FAM174A: variants seen among roughly 807,000 people sequenced by gnomAD.
FAM174A encodes the protein membrane protein FAM174A.
Under a neutral mutation model 14.3 loss-of-function variants are expected in FAM174A, and 14 were observed. The ratio of observed to expected loss-of-function variants is 0.98; its 90% confidence interval spans 0.65 to 1.53. The LOEUF (loss-of-function observed/expected upper bound fraction) is 1.53. Ranked by LOEUF, FAM174A falls within the 40% of genes most tolerant of loss-of-function variation. The pLI, the probability that FAM174A is intolerant of heterozygous loss-of-function variation, is 0.00. For synonymous variants in FAM174A, 108 were observed against 111.4 expected (o/e 0.97, Z 0.19); for missense variants, 241 against 249.6 (o/e 0.97, Z 0.23).
At chr5:100,583,375 T>G (rs1013197452) in intron 2 of FAM174A, among the ~76,000 whole-genome samples, 2 of 152,204 alleles carry the variant, frequency 1.3e-5, no homozygotes, top group African/African-American at 4.8e-5. Context: ...ACAGCTTGCT[T>G]TAGTTTTAGT....
rs73774441 is a variant in FAM174A at position 100,576,346 on chromosome 5, C to T, written c.570-9835C>T. 7.7e-3 allele frequency among the ~76,000 whole-genome samples: 1,169 copies of T among 152,088 alleles called. 18 individuals are homozygous for T. Among genetic ancestry groups the T allele is most frequent in the African/African-American group, 0.026 (1,098 of 41,476 alleles). On this transcript the variant is annotated intron_variant, in intron 2 of 2. Coordinates refer to ENST00000312637, the MANE Select transcript of FAM174A (RefSeq NM_198507.3). ...CTCTCCTCTGTGATTCCCTTGGTTC[C>T]GCTCATTGTCCTGTGTTGTTTTTAT...
At position 100,554,882 on chromosome 5, in the gene FAM174A, A is replaced by G. The variant is rs189571846; in HGVS notation, c.435-7172A>G. Among the ~76,000 whole-genome samples the G allele has an allele frequency of 6.2e-3, 938 of 152,218 alleles. 30 individuals are homozygous for G. The highest frequency in any genetic ancestry group is 1.7e-3 in the Non-Finnish European group (116 of 68,004). ...TCGCAGAGTGTGTCCTACAGAGCAT[A>G]AAATACTATCTAATTTTTTTTTAAA... On this transcript the variant is annotated intron_variant, in intron 1 of 2. Coordinates refer to ENST00000312637, the MANE Select transcript of FAM174A (RefSeq NM_198507.3).
At chr5:100,576,722 A>T (rs998649968) in intron 2 of FAM174A, among the ~76,000 whole-genome samples, 2 of 152,132 alleles carry the variant, frequency 1.3e-5, no homozygotes, top group African/African-American at 4.8e-5. Flanking sequence ...ATGGGGAAAA[A>T]TTGTAGGTTT....
chr5:100,539,079 T>G (rs1746000001), intron 1 of FAM174A, among the ~76,000 whole-genome samples: 1 of 152,126 alleles, frequency 6.6e-6, no homozygotes, highest in Non-Finnish European at 1.5e-5. Flanking sequence ...ACCCTCTACT[T>G]TTTTTAAAAA....
chr5:100,568,599 A>T (rs551606351), intron 2 of FAM174A, among the ~76,000 whole-genome samples: 1,719 of 151,292 alleles, frequency 0.011, 15 homozygotes, highest in Middle Eastern at 0.02. Flanking sequence ...TCCTTTCCAT[A>T]GTTGTGTTTT....
chr5:100,539,490 AG>A (rs1489228599), intron 1 of FAM174A, among the ~76,000 whole-genome samples: 1 of 152,166 alleles, frequency 6.6e-6, no homozygotes, highest in Non-Finnish European at 1.5e-5. Flanking sequence ...TGTAACTGAA[AG>A]ATTATTTTTG....
chr5:100,544,906 T>C (rs1461093168), intron 1 of FAM174A, among the ~76,000 whole-genome samples: 3 of 152,200 alleles, frequency 2.0e-5, no homozygotes, highest in African/African-American at 7.2e-5. Context: ...CATTTGAACA[T>C]TACTATCAAC....
chr5:100,550,892 G>T (rs1266913833), intron 1 of FAM174A, among the ~76,000 whole-genome samples: 1 of 152,140 alleles, frequency 6.6e-6, no homozygotes, highest in African/African-American at 2.4e-5. Context: ...TGCGGCTGGA[G>T]TTCAGAACCT....
At chr5:100,539,112 G>A (rs1213003942) in intron 1 of FAM174A, among the ~76,000 whole-genome samples, 4 of 151,972 alleles carry the variant, frequency 2.6e-5, no homozygotes, top group Non-Finnish European at 5.9e-5. Flanking sequence ...TCTTTAGCAA[G>A]TCTCTTCCAA....
At chr5:100,579,868 A>G (rs1405635789) in intron 2 of FAM174A, among the ~76,000 whole-genome samples, 2 of 152,216 alleles carry the variant, frequency 1.3e-5, no homozygotes, top group Non-Finnish European at 2.9e-5. Flanking sequence ...AGAAACTAGC[A>G]GAGTTTTCAT....
chr5:100,586,207 A>G lies in FAM174A; in HGVS notation c.*23A>G. On this transcript the variant is annotated 3_prime_UTR_variant, in exon 3 of 3. Transcript: ENST00000312637. ...TAAGAATGTGCCTTTTGATGAAAGA[A>G]CTTTATCTTTCTACAATGAAGAGTG... 2 of 1,414,686 alleles carry G rather than the reference A, an allele frequency of 1.4e-6. No homozygotes were observed. Among genetic ancestry groups the G allele is most frequent in the Admixed American group, 3.9e-5 (2 of 51,606 alleles). The allele number at this position is 1,414,686 out of a possible 1,614,324, so 87.6% of individuals were successfully genotyped here.
chr5:100,551,871 G>A (rs1294063690), intron 1 of FAM174A, among the ~76,000 whole-genome samples: 2 of 152,110 alleles, frequency 1.3e-5, no homozygotes, highest in Admixed American at 6.6e-5. Context: ...AAGGACATCA[G>A]TCACATTGGA....
chr5:100,535,790 C>G lies in FAM174A; in HGVS notation c.260C>G (p.Pro87Arg), dbSNP rs1299295879. ...TCCGAGGGAGGCAATGGCAGCAACC[C>G]TGTGGCCGGGCTTGAGACGGACGAT... ...RGSEGGNGSN[P>R]VAGLETDDHG... Residue 87 changes from proline (P) to arginine (R), a missense_variant, in exon 1 of 3, where the codon CCT (proline) becomes CGT (arginine). Pro to Arg is a moderately radical substitution (Grantham distance 103). Coordinates refer to ENST00000312637, the MANE Select transcript of FAM174A (RefSeq NM_198507.3). The G allele has an allele frequency of 1.2e-6, 2 of 1,608,074 alleles. No individual in the cohort carries two copies. The highest frequency in any genetic ancestry group is 1.7e-6 in the Non-Finnish European group (2 of 1,179,300).
chr5:100,569,663 T>C (rs168692), intron 2 of FAM174A, among the ~76,000 whole-genome samples: 2,820 of 152,018 alleles, frequency 0.019, 28 homozygotes, highest in South Asian at 0.034. Flanking sequence ...GATGATATCC[T>C]ACTGGGCAGA....
At position 100,554,317 on chromosome 5, in the gene FAM174A, T is replaced by A. The variant is rs1320188058; in HGVS notation, c.435-7737T>A. ...TTCCCTCTATTTTTCTATCTTTTTTTTTTTTTTTTTTTTTTTGAGACAGAG... is the reference window on the plus strand; with the variant it reads ...TTCCCTCTATTTTTCTATCTTTTTTATTTTTTTTTTTTTTTTGAGACAGAG... On this transcript the variant is annotated intron_variant, in intron 1 of 2. Transcript: ENST00000312637. 3.5e-5 allele frequency among the ~76,000 whole-genome samples: 5 copies of A among 141,096 alleles called. No homozygotes were observed. The South Asian group carries it at 7.1e-4, about 20-fold the overall frequency. The allele number at this position is 141,096 out of a possible 152,430, so 92.6% of individuals were successfully genotyped here. A position where few individuals can be genotyped will look rare whatever the true frequency, so the allele number is the denominator to read the frequency against.
At chr5:100,562,430 T>C (rs1016283655) in intron 2 of FAM174A, among the ~76,000 whole-genome samples, 2 of 151,912 alleles carry the variant, frequency 1.3e-5, no homozygotes, top group Non-Finnish European at 2.9e-5. Context: ...TCTGTTTTTA[T>C]CTTTTATTTT....
At chr5:100,574,511 A>G (rs1317730846) in intron 2 of FAM174A, among the ~76,000 whole-genome samples, 1 of 152,164 alleles carries the variant, frequency 6.6e-6, no homozygotes, top group East Asian at 1.9e-4. Context: ...GTTATTTTTA[A>G]ACTGATGACT....
intron 1 of FAM174A, among the ~76,000 whole-genome samples, chr5:100,559,045 C>T (rs1746463809): frequency 6.6e-6 from 1 of 152,152 alleles, no homozygotes; most frequent in Non-Finnish European, 1.5e-5. Context: ...AGGGTCTTTA[C>T]AGTTTAGCAT....
At chr5:100,536,512 A>G (rs1745944238) in intron 1 of FAM174A, among the ~76,000 whole-genome samples, 1 of 152,182 alleles carries the variant, frequency 6.6e-6, no homozygotes, top group Non-Finnish European at 1.5e-5. Context: ...AAAATTCAGG[A>G]GAAGAAAAGT....
Sources: gnomAD v4.1 joint callset for allele counts (sites outside exome capture counted in the v4.1 genomes callset) on GRCh38, gnomAD v4.1.1 for gene constraint, MANE v1.5 for transcripts, NCBI Gene and HGNC (gene_info 2026-07-23, HGNC 2026-07-21) for gene names.